Variants in EPAS1 observed in about 807,000 individuals in gnomAD.
EPAS1 encodes endothelial PAS domain-containing protein 1.
A neutral mutation model predicts 87.9 loss-of-function variants in EPAS1; 23 were observed. The ratio of observed to expected loss-of-function variants is 0.26; its 90% CI spans 0.19 to 0.37. The LOEUF (loss-of-function observed/expected upper bound fraction) is 0.37, where lower values mean the gene tolerates loss of function less well. Ranked by LOEUF, EPAS1 falls within the 10% of genes least tolerant of loss-of-function variation. The pLI, the probability that EPAS1 is intolerant of heterozygous loss-of-function variation, is 1.00. For missense variants in EPAS1, 1,138 were observed against 1,120.7 expected, an observed-to-expected ratio of 1.02 and a Z score of -0.22; for synonymous variants, 508 against 444.3, an observed-to-expected ratio of 1.14 and a Z score of -1.80.
intron 6 of EPAS1, among the ~76,000 whole-genome samples, chr2:46,367,498 T>C (rs576355843): frequency 2.0e-4 from 30 of 152,370 alleles, no homozygotes; most frequent in Non-Finnish European, 3.8e-4. Flanking sequence ...CATTTGATCG[T>C]AGGACCAGCA....
chr2:46,351,746 G>A (rs1172252569), intron 2 of EPAS1, among the ~76,000 whole-genome samples: 1 of 152,200 alleles, frequency 6.6e-6, no homozygotes, highest in African/African-American at 2.4e-5. Context: ...ACTTCTCGGA[G>A]TAGGAAACAA....
intron 1 of EPAS1, among the ~76,000 whole-genome samples, chr2:46,308,463 G>GGA (rs1553388772): frequency 1.6e-4 from 23 of 142,534 alleles, no homozygotes; most frequent in Admixed American, 1.5e-3. Flanking sequence ...TTTTTTTTGG[G>GGA]GGGGGGGGCT....
intron 1 of EPAS1, among the ~76,000 whole-genome samples, chr2:46,299,322 C>A (rs1682949076): frequency 6.6e-6 from 1 of 152,214 alleles, no homozygotes. Flanking sequence ...GGGCCCTGCT[C>A]CCCTTTCCTG....
At chr2:46,359,747 A>G (rs760198283) in intron 4 of EPAS1, among the ~76,000 whole-genome samples, 1 of 152,190 alleles carries the variant, frequency 6.6e-6, no homozygotes, top group African/African-American at 2.4e-5. Flanking sequence ...AGATTGTTCT[A>G]TGATGCTGGG....
At chr2:46,366,240 G>C (rs957567349) in intron 6 of EPAS1, among the ~76,000 whole-genome samples, 4 of 152,240 alleles carry the variant, frequency 2.6e-5, no homozygotes, top group African/African-American at 7.2e-5. Context: ...TCACGCTGTA[G>C]CCAAGAGAAT....
chr2:46,383,033 A>C (rs1654157251), intron 15 of EPAS1, among the ~76,000 whole-genome samples: 1 of 152,182 alleles, frequency 6.6e-6, no homozygotes, highest in South Asian at 2.1e-4. Context: ...GAGAGTTGGG[A>C]AGCGGTCTGG....
chr2:46,378,179 T>C, intron 10 of EPAS1, 92 bp downstream of exon 10: 2 of 1,522,156 alleles, frequency 1.3e-6, no homozygotes, highest in Non-Finnish European at 1.8e-6. Flanking sequence ...ACAGGTACTG[T>C]CCTTCTCAGG....
At position 46,385,283 on chromosome 2, in the gene EPAS1, T is replaced by C. The variant is rs1291321451; in HGVS notation, c.*623T>C. ...CAACGTATGTGGTTATCTGTGAAAG[T>C]TGCACAGCGTGGCTTTTCCTAAACT... On this transcript the variant is annotated 3_prime_UTR_variant, in exon 16 of 16. Coordinates refer to ENST00000263734, the MANE Select transcript of EPAS1 (RefSeq NM_001430.5). 2 of 152,858 alleles carry C rather than the reference T, an allele frequency of 1.3e-5. No homozygotes were observed. The highest frequency in any genetic ancestry group is 2.4e-5 in the African/African-American group (1 of 41,440). 9.5% of individuals were successfully genotyped at this position (152,858 alleles called of 1,614,324 possible).
intron 1 of EPAS1, among the ~76,000 whole-genome samples, chr2:46,299,573 C>T (rs1310759738): frequency 1.3e-5 from 2 of 152,220 alleles, no homozygotes; most frequent in Non-Finnish European, 2.9e-5. Flanking sequence ...CGCCTGCAGA[C>T]GCTTTCGGGT....
At chr2:46,358,267 C>G (rs1055316769) in intron 4 of EPAS1, among the ~76,000 whole-genome samples, 1 of 152,240 alleles carries the variant, frequency 6.6e-6, no homozygotes, top group Admixed American at 6.5e-5. Flanking sequence ...CCCAGCTCCT[C>G]TGCTCTCTCT....
At chr2:46,302,472 C>T (rs1205029850) in intron 1 of EPAS1, among the ~76,000 whole-genome samples, 2 of 151,978 alleles carry the variant, frequency 1.3e-5, no homozygotes, top group African/African-American at 4.8e-5. Context: ...TAGTTCTTAA[C>T]AGGTCTAGCT....
intron 1 of EPAS1, among the ~76,000 whole-genome samples, chr2:46,332,660 T>G (rs932559897): frequency 6.6e-6 from 1 of 152,188 alleles, no homozygotes; most frequent in African/African-American, 2.4e-5. Flanking sequence ...TTCATTTTTG[T>G]TTTGTTTCTT....
At chr2:46,305,771 G>A (rs956800393) in intron 1 of EPAS1, among the ~76,000 whole-genome samples, 5 of 152,276 alleles carry the variant, frequency 3.3e-5, no homozygotes, top group African/African-American at 9.6e-5. Flanking sequence ...GAGATAAGTG[G>A]TAGCAATCTT....
At chr2:46,369,208 G>A (rs1417847035) in intron 6 of EPAS1, among the ~76,000 whole-genome samples, 9 of 152,236 alleles carry the variant, frequency 5.9e-5, no homozygotes, top group East Asian at 3.9e-4. Flanking sequence ...GAAAGTGTCC[G>A]AGGGCACCTG....
chr2:46,381,899 G>GGGCCC (rs1684902857), intron 13 of EPAS1, 76 bp from the exon 14 acceptor site: 132 of 1,346,472 alleles, frequency 9.8e-5, no homozygotes, highest in Non-Finnish European at 1.3e-4. Flanking sequence ...CCTGTTCCAG[G>GGGCCC]CCCACCCAAC....
Position 46,313,569 on chromosome 2 carries a change from G to A in EPAS1, c.26+15632G>A, listed in dbSNP as rs183357485. On this transcript the variant is annotated intron_variant, in intron 1 of 15. Coordinates refer to ENST00000263734, the MANE Select transcript of EPAS1 (RefSeq NM_001430.5). ...CAGGTTCAAGCGATTCTCCCACCTC[G>A]GCTTCCTGAGTAGCGGGGATTACAG... Among the ~76,000 whole-genome samples the A allele has an allele frequency of 3.1e-3, 464 of 151,850 alleles. 5 individuals are homozygous for A. The highest frequency in any genetic ancestry group is 0.011 in the African/African-American group (443 of 41,378).
intron 11 of EPAS1, among the ~76,000 whole-genome samples, chr2:46,379,165 T>C (rs955122140): frequency 6.6e-6 from 1 of 152,244 alleles, no homozygotes; most frequent in African/African-American, 2.4e-5. Context: ...ATAATCATTT[T>C]TATATGAAAT....
At chr2:46,352,302 C>T (rs1377005631) in intron 2 of EPAS1, among the ~76,000 whole-genome samples, 1 of 152,198 alleles carries the variant, frequency 6.6e-6, no homozygotes, top group African/African-American at 2.4e-5. Flanking sequence ...GTCTTCCCCA[C>T]CAGTCTGTCG....
intron 2 of EPAS1, among the ~76,000 whole-genome samples, chr2:46,354,075 A>G (rs1000416397): frequency 2.0e-5 from 3 of 152,210 alleles, no homozygotes; most frequent in African/African-American, 7.2e-5. Context: ...AAGATCTTGT[A>G]ATGTGGATTT....
Sources: allele counts gnomAD v4.1 joint callset (sites outside exome capture counted in the v4.1 genomes callset), GRCh38; gene constraint gnomAD v4.1.1; transcripts MANE v1.5; gene names NCBI Gene and HGNC (gene_info 2026-07-23, HGNC 2026-07-21).